The following DNAH6 variants were observed in gnomAD, a reference collection of about 807,000 sequenced individuals.
DNAH6 encodes the protein dynein axonemal heavy chain 6.
A neutral mutation model predicts 491.4 loss-of-function variants in DNAH6; 340 were observed. The ratio of observed to expected loss-of-function variants is 0.69; its 90% confidence interval spans 0.63 to 0.76. DNAH6 has a LOEUF of 0.76. Ranked by LOEUF, DNAH6 falls within the 30% of genes least tolerant of loss-of-function variation. The pLI is 0.00. For synonymous variants in DNAH6, 1,603 were observed against 1,686.1 expected, an observed-to-expected ratio of 0.95 and a Z score of 1.21; for missense variants, 4,443 against 4,972.2, an observed-to-expected ratio of 0.89 and a Z score of 3.20.
At chr2:84,477,719 AT>A in the DNAH6 span, among the ~76,000 whole-genome samples, 1 of 152,210 alleles carries the variant, frequency 6.6e-6, no homozygotes, top group Non-Finnish European at 1.5e-5. Context: ...CCAAACAGAA[AT>A]TGACTGGGGA....
chr2:84,744,416 C>A, intron 62 of DNAH6, among the ~76,000 whole-genome samples: 1 of 152,200 alleles, frequency 6.6e-6, no homozygotes, highest in Non-Finnish European at 1.5e-5. Flanking sequence ...TCCTAACTTT[C>A]ATACAAGATA....
intron 37 of DNAH6, among the ~76,000 whole-genome samples, chr2:84,659,825 T>A (rs1340202579): frequency 2.0e-5 from 3 of 152,014 alleles, no homozygotes; most frequent in Admixed American, 6.6e-5. Context: ...CTACAAAAAA[T>A]TTTTTTAGTA....
At position 84,653,828 on chromosome 2, in the gene DNAH6, A is replaced by G. The variant is rs563456517; in HGVS notation, c.5588A>G (p.Asn1863Ser). 6.4e-7 allele frequency: 1 copy of G among 1,551,404 alleles called. No homozygotes were observed. Among genetic ancestry groups the G allele is most frequent in the Non-Finnish European group, 8.7e-7 (1 of 1,146,616 alleles). The change falls in exon 34 of 77, where the codon AAC (asparagine) becomes AGC (serine). Residue 1863 changes from asparagine (N) to serine (S), a missense_variant. By Grantham distance (46) the Asn-to-Ser change is conservative. Transcript: ENST00000389394. ...GATAACAAGATGCTTTGCCTGGCTA[A>G]CAGTGAGAGGATTAAACTCACACCT... ...LDDNKMLCLA[N>S]SERIKLTPQI...
intron 15 of DNAH6, 102 bp from the exon 16 acceptor site, chr2:84,588,724 A>G: frequency 9.0e-7 from 1 of 1,111,672 alleles, no homozygotes. Flanking sequence ...CAAAAAGAAA[A>G]GAGAAAGGAA....
At chr2:84,609,442 T>G (rs2104323486) in intron 21 of DNAH6, among the ~76,000 whole-genome samples, 1 of 152,246 alleles carries the variant, frequency 6.6e-6, no homozygotes, top group South Asian at 2.1e-4. Flanking sequence ...TGTAGTGTTA[T>G]TAATTGGCCT....
intron 41 of DNAH6, among the ~76,000 whole-genome samples, chr2:84,679,959 C>CAT (rs1239724275): frequency 6.6e-6 from 1 of 152,100 alleles, no homozygotes; most frequent in African/African-American, 2.4e-5. Flanking sequence ...ATACATATAA[C>CAT]ATATATATAA....
At chr2:84,810,780 C>G (rs1288882520) in intron 72 of DNAH6, among the ~76,000 whole-genome samples, 5 of 152,198 alleles carry the variant, frequency 3.3e-5, no homozygotes, top group African/African-American at 1.2e-4. Context: ...GTGACAAGGC[C>G]ACCCTGTGTA....
At chr2:84,707,287 C>T (rs1267112905) in intron 53 of DNAH6, among the ~76,000 whole-genome samples, 1 of 152,148 alleles carries the variant, frequency 6.6e-6, no homozygotes, top group East Asian at 1.9e-4. Flanking sequence ...AAAGCACTGT[C>T]TTCAACCAGA....
chr2:84,533,557 G>A (rs1441317376), intron 4 of DNAH6, among the ~76,000 whole-genome samples: 3 of 152,036 alleles, frequency 2.0e-5, no homozygotes, highest in Admixed American at 6.6e-5. Flanking sequence ...ACCTTAGGAC[G>A]GATTTGGCTC....
intron 64 of DNAH6, among the ~76,000 whole-genome samples, chr2:84,771,261 C>T (rs1675576518): frequency 6.6e-6 from 1 of 150,868 alleles, no homozygotes; most frequent in East Asian, 1.9e-4. Flanking sequence ...GCACTCTAGC[C>T]TGGGCAACAA....
Position 84,577,323 on chromosome 2 carries a change from G to C in DNAH6, c.1991G>C (p.Arg664Thr). 1 of 1,612,146 alleles carries C rather than the reference G, an allele frequency of 6.2e-7. No individual in the cohort carries two copies. The highest frequency in any genetic ancestry group is 8.5e-7 in the Non-Finnish European group (1 of 1,179,126). Residue 664 changes from arginine (R) to threonine (T), a missense_variant, in exon 13 of 77, where the codon AGA becomes ACA. By Grantham distance (71) the Arg-to-Thr change is moderately conservative (BLOSUM62 -1). Coordinates refer to ENST00000389394, the MANE Select transcript of DNAH6 (RefSeq NM_001370.2). ...HKQHKDAVALRPTRNVGLLLI... is the reference protein window; with the variant it reads ...HKQHKDAVALTPTRNVGLLLI... ...CAGCACAAGGACGCAGTAGCGCTCA[G>C]ACCCACCAGAAATGTAGGATTGCTG...
chr2:84,573,551 AG>A lies in DNAH6; in HGVS notation c.1889del (p.Ser630IlefsTer32). 3 of 1,589,222 alleles carry A rather than the reference AG, an allele frequency of 1.9e-6. No homozygotes were observed. Among genetic ancestry groups the A allele is most frequent in the Non-Finnish European group, 2.6e-6 (3 of 1,173,170 alleles). On this transcript the variant is annotated frameshift_variant, in exon 12 of 77. Coordinates refer to ENST00000389394, the MANE Select transcript of DNAH6 (RefSeq NM_001370.2). LOFTEE classifies it high-confidence loss of function. Reference protein sequence around the residue: ...KFQIFFKENESLDLQALKLQE... With the variant: ...KFQIFFKENEXLDLQALKLQE... ...CCAGATATTCTTCAAGGAAAATGAA[AG>A]TCTTGATTTACAAGCTCTTAAACTT...
Position 84,555,581 on chromosome 2 carries a change from A to G in DNAH6, c.1603-2154A>G, listed in dbSNP as rs115761728. Among the ~76,000 whole-genome samples, 1,130 of 152,204 alleles carry G rather than the reference A, an allele frequency of 7.4e-3. 10 individuals carry two copies. The highest frequency in any genetic ancestry group is 0.012 in the Non-Finnish European group (844 of 68,018). On this transcript the variant is annotated intron_variant, in intron 10 of 76. Transcript: ENST00000389394. ...TATTTATATCTATATCTACCTATCT[A>G]TATCTCTACCTATATCTATATGTCT...
rs574942908 is a variant in DNAH6, at chr2:84,805,529, C to T, written c.11482-136C>T. 2.2e-5 allele frequency: 16 copies of T among 741,346 alleles called. No individual in the cohort carries two copies. In the East Asian group the frequency reaches 2.3e-4, roughly 11 times the overall value. 45.9% of individuals were successfully genotyped at this position (741,346 alleles called of 1,614,324 possible). On this transcript the variant is annotated intron_variant, in intron 70 of 76. Coordinates refer to ENST00000389394, the MANE Select transcript of DNAH6 (RefSeq NM_001370.2). ...GTAGATCTCATGTTAATTGTTCTTA[C>T]CACAATAAAATAAAGTGAAAATAAA...
At chr2:84,768,924 T>C (rs1675348881) in intron 64 of DNAH6, among the ~76,000 whole-genome samples, 1 of 152,230 alleles carries the variant, frequency 6.6e-6, no homozygotes, top group Non-Finnish European at 1.5e-5. Context: ...AATCTATCTC[T>C]ACACGTGTAA....
At chr2:84,472,841 T>A in the DNAH6 span, among the ~76,000 whole-genome samples, 2 of 152,216 alleles carry the variant, frequency 1.3e-5, no homozygotes, top group Non-Finnish European at 2.9e-5. Context: ...TACTGCTTGC[T>A]GTAAAGAATG....
upstream of DNAH6, among the ~76,000 whole-genome samples, chr2:84,513,953 A>G (rs954463028): frequency 3.3e-4 from 50 of 152,000 alleles, 1 homozygote; most frequent in Non-Finnish European, 7.4e-5. Flanking sequence ...TCCTAGTCCA[A>G]CCTATTACTG....
intron 45 of DNAH6, 134 bp from the exon 46 acceptor site, chr2:84,694,115 C>T (rs1253543709): frequency 1.3e-5 from 9 of 704,308 alleles, no homozygotes; most frequent in African/African-American, 1.3e-4. Context: ...TCAGATGCAG[C>T]CTGCTCTTCC....
At position 84,762,868 on chromosome 2, in the gene DNAH6, G is replaced by C; in HGVS notation, c.10626G>C (p.Leu3542=). The C allele has an allele frequency of 6.4e-7, 1 of 1,551,392 alleles. No homozygotes were observed. The highest frequency in any genetic ancestry group is 1.4e-5 in the African/African-American group (1 of 73,106). The change falls in exon 64 of 77, where the codon CTG becomes CTC. Residue 3542 remains leucine, a synonymous_variant. Coordinates refer to ENST00000389394, the MANE Select transcript of DNAH6 (RefSeq NM_001370.2). ...LYQDMSCNTP[L]VFILSTGSDP... ...AAGACATGTCATGCAACACTCCCCT[G>C]GTATTCATCCTAAGCACAGGCTCAG...
Sources: allele counts gnomAD v4.1 joint callset (sites outside exome capture counted in the v4.1 genomes callset), GRCh38; gene constraint gnomAD v4.1.1; transcripts MANE v1.5; gene names NCBI Gene and HGNC (gene_info 2026-07-23, HGNC 2026-07-21).